ANK3: variants seen among roughly 807,000 people sequenced by gnomAD.
ANK3 encodes ankyrin-3.
ANK3 carries 57 observed loss-of-function variants against 370.9 expected under a neutral mutation model. That is an observed-to-expected ratio of 0.15 (90% CI 0.12 to 0.19). The LOEUF (loss-of-function observed/expected upper bound fraction) is 0.19, where lower values mean the gene tolerates loss of function less well. Ranked by LOEUF, ANK3 falls within the 10% of genes least tolerant of loss-of-function variation. ANK3 has a pLI of 1.00. For synonymous variants in ANK3, 1,929 were observed against 1,946.3 expected, an observed-to-expected ratio of 0.99 and a Z score of 0.23; for missense variants, 4,439 against 5,302.1, an observed-to-expected ratio of 0.84 and a Z score of 5.06.
At chr10:60,429,082 C>A (rs1003337619) in intron 2 of ANK3, among the ~76,000 whole-genome samples, 4 of 151,946 alleles carry the variant, frequency 2.6e-5, no homozygotes, top group Admixed American at 2.6e-4. Flanking sequence ...ATTACAGGAC[C>A]CAGGGACCCC....
At chr10:60,360,583 C>T (rs1167541212) in intron 1 of ANK3, among the ~76,000 whole-genome samples, 2 of 152,058 alleles carry the variant, frequency 1.3e-5, no homozygotes, top group Non-Finnish European at 2.9e-5. Flanking sequence ...GTGGTATGCA[C>T]CTGTAGTTCC....
intron 2 of ANK3, among the ~76,000 whole-genome samples, chr10:60,595,239 G>GT (rs2077971021): frequency 6.6e-6 from 1 of 152,094 alleles, no homozygotes; most frequent in South Asian, 2.1e-4. Flanking sequence ...AATAGTGAAA[G>GT]TTTAGTACAT....
intron 2 of ANK3, among the ~76,000 whole-genome samples, chr10:60,510,112 T>C (rs1233540798): frequency 1.3e-5 from 2 of 152,068 alleles, no homozygotes; most frequent in East Asian, 1.9e-4. Context: ...TCATCTAGTA[T>C]CAAATAACTT....
chr10:60,071,908 T>C lies in ANK3; in HGVS notation c.8973A>G (p.Ser2991=), dbSNP rs1489826289. The C allele has an allele frequency of 6.2e-7, 1 of 1,614,108 alleles. No homozygotes were observed. The highest frequency in any genetic ancestry group is 1.7e-5 in the Admixed American group (1 of 60,004). Residue 2991 remains serine (S), a synonymous_variant, in exon 37 of 44, where the codon TCA becomes TCG. Coordinates refer to ENST00000280772, the MANE Select transcript of ANK3 (RefSeq NM_020987.5). ...TCATGCTTGACTGGGACAATTTTTG[T>C]GATAGTTCATGTTTTGGAAATGCCG... ...EQSAFPKHEL[S]QKLSQSSMSK...
At chr10:60,243,307 T>C (rs750753809) in intron 7 of ANK3, among the ~76,000 whole-genome samples, 4 of 152,188 alleles carry the variant, frequency 2.6e-5, no homozygotes, top group African/African-American at 4.8e-5. Context: ...CAAATTCATA[T>C]GTTGATGGAA....
At chr10:60,380,891 T>C (rs1350906305) in intron 1 of ANK3, among the ~76,000 whole-genome samples, 3 of 152,152 alleles carry the variant, frequency 2.0e-5, no homozygotes, top group Admixed American at 6.5e-5. Context: ...CTATATGTGA[T>C]TGAAAATTTT....
chr10:60,320,580 C>G (rs1452553744), intron 1 of ANK3, among the ~76,000 whole-genome samples: 1 of 152,064 alleles, frequency 6.6e-6, no homozygotes, highest in Non-Finnish European at 1.5e-5. Flanking sequence ...GTCTGGGCAA[C>G]AGACTGAGAC....
chr10:60,583,372 G>A (rs972503791), intron 2 of ANK3, among the ~76,000 whole-genome samples: 4 of 152,094 alleles, frequency 2.6e-5, no homozygotes, highest in African/African-American at 4.8e-5. Flanking sequence ...AGGGAAGGGG[G>A]ATAGTGAGAC....
intron 2 of ANK3, among the ~76,000 whole-genome samples, chr10:60,432,751 A>G (rs977250976): frequency 3.9e-5 from 6 of 152,358 alleles, no homozygotes; most frequent in Middle Eastern, 6.8e-3. Context: ...GTACAGGAAT[A>G]AAATGTTTCT....
intron 7 of ANK3, among the ~76,000 whole-genome samples, chr10:60,239,650 A>G (rs1485173204): frequency 3.3e-5 from 5 of 152,182 alleles, no homozygotes; most frequent in Non-Finnish European, 7.4e-5. Flanking sequence ...ATGACAGTAA[A>G]CAGAAACTTA....
Position 60,270,440 on chromosome 10 carries a change from A to T in ANK3, c.415-211T>A, listed in dbSNP as rs557135744. ...AATTCAAAATTATATTTCATAATTC[A>T]TAATTTGAGTATAGCTCATAGTTAA... On this transcript the variant is annotated intron_variant, in intron 4 of 43. Coordinates refer to ENST00000280772, the MANE Select transcript of ANK3 (RefSeq NM_020987.5). Among the ~76,000 whole-genome samples the T allele has an allele frequency of 1.6e-4, 25 of 152,360 alleles. 1 individual carries two copies. In the South Asian group the frequency reaches 5.0e-3, roughly 30 times the overall value.
At position 60,244,962 on chromosome 10, in the gene ANK3, G is replaced by T. The variant is rs371068675; in HGVS notation, c.799-10176C>A. Among the ~76,000 whole-genome samples, 112 of 152,274 alleles carry T rather than the reference G, an allele frequency of 7.4e-4. 3 individuals are homozygous for T. The Middle Eastern group carries it at 0.02, about 28-fold the overall frequency. On this transcript the variant is annotated intron_variant, in intron 7 of 43. Coordinates refer to ENST00000280772, the MANE Select transcript of ANK3 (RefSeq NM_020987.5). ...AGGCGGGCGGATCATGAGGTCAGGA[G>T]ATCGAGACCATCCTGGCTAACACGG... is the stretch of plus-strand genomic sequence containing the variant.
chr10:60,487,761 T>A (rs1341058607), intron 2 of ANK3, among the ~76,000 whole-genome samples: 2 of 150,948 alleles, frequency 1.3e-5, no homozygotes, highest in East Asian at 3.9e-4. Context: ...GTTGCCCAGG[T>A]TGGAGTGCCA....
chr10:60,051,009 T>C (rs2077875366), intron 42 of ANK3, among the ~76,000 whole-genome samples: 1 of 152,150 alleles, frequency 6.6e-6, no homozygotes, highest in Admixed American at 6.5e-5. Flanking sequence ...GAAGAACTGG[T>C]TTTAATTTAA....
At chr10:60,384,581 A>G (rs2061997054) in intron 1 of ANK3, among the ~76,000 whole-genome samples, 1 of 152,226 alleles carries the variant, frequency 6.6e-6, no homozygotes, top group African/African-American at 2.4e-5. Flanking sequence ...CTGTCTGACT[A>G]GGGTGAAAAT....
Position 60,055,700 on chromosome 10 carries a change from A to C in ANK3, c.13023T>G (p.Leu4341=). The change falls in exon 42 of 44, where the codon CTT becomes CTG. Residue 4341 remains leucine (L), a synonymous_variant. Coordinates refer to ENST00000280772, the MANE Select transcript of ANK3 (RefSeq NM_020987.5). The stretch of plus-strand genomic sequence containing the variant: ...TGGACCCCTCTTCTTCATGGAGGCT[A>C]AGCCTTGGCTTGCCATCTGCTGGAG... ...RTSPADGKPR[L]SLHEEEGSSG... is the part of the protein sequence containing the mutation. The C allele has an allele frequency of 6.2e-7, 1 of 1,614,002 alleles. No homozygotes were observed. The highest frequency in any genetic ancestry group is 8.5e-7 in the Non-Finnish European group (1 of 1,179,964).
intron 2 of ANK3, among the ~76,000 whole-genome samples, chr10:60,543,414 T>C (rs1407944455): frequency 6.6e-6 from 1 of 152,038 alleles, no homozygotes; most frequent in Non-Finnish European, 1.5e-5. Context: ...TGTCTATTAA[T>C]AGGCAAATGG....
At chr10:60,270,325 T>C (rs2097952172) in intron 4 of ANK3, 96 bp from the exon 5 acceptor site, 3 of 617,612 alleles carry the variant, frequency 4.9e-6, no homozygotes, top group Non-Finnish European at 7.5e-6. Flanking sequence ...AGTGCTCACA[T>C]ACAATAACTT....
intron 2 of ANK3, among the ~76,000 whole-genome samples, chr10:60,410,835 T>A (rs1209483907): frequency 6.6e-6 from 1 of 152,068 alleles, no homozygotes; most frequent in Non-Finnish European, 1.5e-5. Flanking sequence ...CTGGCCAATT[T>A]TTTTTTTTTC....
Sources: allele counts gnomAD v4.1 joint callset (sites outside exome capture counted in the v4.1 genomes callset), GRCh38; gene constraint gnomAD v4.1.1; transcripts MANE v1.5; gene names NCBI Gene and HGNC (gene_info 2026-07-23, HGNC 2026-07-21).